Variants in RIMKLB observed in about 807,000 individuals in gnomAD.
The protein encoded by RIMKLB is ribosomal modification protein rimK like family member B.
A neutral mutation model predicts 32.0 loss-of-function variants in RIMKLB; 7 were observed. The observed-to-expected ratio is 0.22, with a 90% confidence interval of 0.12 to 0.41. The LOEUF is 0.41. RIMKLB is among the 10% of genes least tolerant of loss of function. RIMKLB has a pLI of 1.00. For synonymous variants in RIMKLB, 172 were observed against 185.1 expected (o/e 0.93, Z 0.57); for missense variants, 289 against 498.7 (o/e 0.58, Z 4.00).
At chr12:8,716,531 A>G (rs1342049006) in intron 2 of RIMKLB, among the ~76,000 whole-genome samples, 5 of 112,296 alleles carry the variant, frequency 4.5e-5, no homozygotes, top group Non-Finnish European at 9.0e-5. Context: ...TCTTCTCACT[A>G]TCCTGGCTCA....
At chr12:8,711,652 A>G (rs1032377477) in intron 1 of RIMKLB, among the ~76,000 whole-genome samples, 4 of 151,836 alleles carry the variant, frequency 2.6e-5, no homozygotes, top group South Asian at 2.1e-4. Context: ...TATATCTCCC[A>G]ATGCTATCCC....
Position 8,776,871 on chromosome 12 carries a change from T to A in RIMKLB, c.*3087T>A. Reference sequence around the variant, plus strand: ...TTGAAGGCATTGACTTTGAAAATCATCTCTTTTTCTCAAGAAGAAAGCAAT... The same window carrying A: ...TTGAAGGCATTGACTTTGAAAATCAACTCTTTTTCTCAAGAAGAAAGCAAT... On this transcript the variant is annotated 3_prime_UTR_variant, in exon 6 of 6. Transcript: ENST00000535829. The A allele has an allele frequency of 2.0e-6, 2 of 985,778 alleles. No individual in the cohort carries two copies. Among genetic ancestry groups the A allele is most frequent in the African/African-American group, 3.5e-5 (2 of 57,342 alleles). 61.1% of individuals were successfully genotyped at this position (985,778 alleles called of 1,614,324 possible). A position where few individuals can be genotyped will look rare whatever the true frequency, so the allele number is the denominator to read the frequency against.
chr12:8,697,846 C>A (rs1017027159), upstream of RIMKLB: 2 of 146,548 alleles, frequency 1.4e-5, no homozygotes, highest in Non-Finnish European at 1.5e-5. Flanking sequence ...CGCCGCCCCC[C>A]GCCCGCCGCG....
chr12:8,722,220 TAA>T (rs34755699), intron 2 of RIMKLB, among the ~76,000 whole-genome samples: 4,380 of 147,728 alleles, frequency 0.03, 223 homozygotes, highest in African/African-American at 0.1. Context: ...CTCACAGAGC[TAA>T]AAAAAAAAAA....
At chr12:8,739,994 C>T (rs1017815216) in intron 2 of RIMKLB, among the ~76,000 whole-genome samples, 2 of 152,096 alleles carry the variant, frequency 1.3e-5, no homozygotes, top group Non-Finnish European at 1.5e-5. Flanking sequence ...CAGCAACCTC[C>T]GCCTCTTGGG....
chr12:8,739,674 A>G (rs1947321965), intron 2 of RIMKLB, among the ~76,000 whole-genome samples: 1 of 152,112 alleles, frequency 6.6e-6, no homozygotes, highest in East Asian at 1.9e-4. Context: ...AGGTCACACC[A>G]TGTTGCTCAG....
chr12:8,776,130 G>C lies in RIMKLB; in HGVS notation c.*2346G>C. ...AAGTATGTAGTTCATGTTTGTGTTG[G>C]TGGGGTAAGGCATCAGGAAAAATGT... On this transcript the variant is annotated 3_prime_UTR_variant, in exon 6 of 6. Coordinates refer to ENST00000535829, the MANE Select transcript of RIMKLB (RefSeq NM_001297776.2). 1 of 985,142 alleles carries C rather than the reference G, an allele frequency of 1.0e-6. No homozygotes were observed. The highest frequency in any genetic ancestry group is 1.1e-4 in the East Asian group (1 of 8,822). The allele number at this position is 985,142 out of a possible 1,614,324, so 61.0% of individuals were successfully genotyped here.
chr12:8,713,712 A>T, intron 1 of RIMKLB, 99 bp from the exon 2 acceptor site: 3 of 750,698 alleles, frequency 4.0e-6, no homozygotes, highest in Admixed American at 2.7e-5. Context: ...TTTCCTGTTT[A>T]TATAATTAGT....
At chr12:8,758,680 CT>C (rs1295028718) in intron 5 of RIMKLB, among the ~76,000 whole-genome samples, 1 of 152,170 alleles carries the variant, frequency 6.6e-6, no homozygotes, top group Non-Finnish European at 1.5e-5. Flanking sequence ...GTGTTTAGGA[CT>C]TTAATCTACC....
intron 5 of RIMKLB, among the ~76,000 whole-genome samples, chr12:8,761,265 G>C (rs1166360718): frequency 2.2e-5 from 3 of 133,352 alleles, no homozygotes; most frequent in African/African-American, 6.0e-5. Context: ...GGGTGAGGGG[G>C]AGATAGCAAA....
chr12:8,731,567 T>C (rs1364542290), intron 2 of RIMKLB, among the ~76,000 whole-genome samples: 1 of 152,184 alleles, frequency 6.6e-6, no homozygotes, highest in Non-Finnish European at 1.5e-5. Context: ...CAGCAATTGG[T>C]AAACAATCTT....
chr12:8,684,856 C>T (rs960414317), intron 1 of RIMKLB, among the ~76,000 whole-genome samples: 3 of 152,222 alleles, frequency 2.0e-5, no homozygotes, highest in African/African-American at 2.4e-5. Context: ...CTCCTGAGCT[C>T]AGGCAGTCTG....
the RIMKLB span, among the ~76,000 whole-genome samples, chr12:8,672,856 C>T: frequency 1.3e-5 from 2 of 152,186 alleles, no homozygotes; most frequent in African/African-American, 4.8e-5. Context: ...AAAGCAGATG[C>T]CGCTATGCTT....
At chr12:8,675,867 A>G in the RIMKLB span, among the ~76,000 whole-genome samples, 1 of 151,986 alleles carries the variant, frequency 6.6e-6, no homozygotes, top group African/African-American at 2.4e-5. Flanking sequence ...AGGCAGAACA[A>G]CAAAGAAAAA....
At chr12:8,681,008 A>G (rs1942399804), upstream of RIMKLB, among the ~76,000 whole-genome samples, 1 of 149,534 alleles carries the variant, frequency 6.7e-6, no homozygotes, top group Non-Finnish European at 1.5e-5. Flanking sequence ...TTTTTGAGAC[A>G]GGGTCTCACT....
upstream of RIMKLB, among the ~76,000 whole-genome samples, chr12:8,680,395 G>A (rs758456643): frequency 3.3e-5 from 5 of 152,212 alleles, no homozygotes; most frequent in East Asian, 7.7e-4. Context: ...TCCTGACCTC[G>A]TGATCCGCCT....
chr12:8,711,325 G>A (rs904860725), intron 1 of RIMKLB, among the ~76,000 whole-genome samples: 1 of 152,000 alleles, frequency 6.6e-6, no homozygotes, highest in Non-Finnish European at 1.5e-5. Flanking sequence ...CTTAGGCCGA[G>A]GAGTTTGAGG....
intron 2 of RIMKLB, among the ~76,000 whole-genome samples, chr12:8,716,506 G>C (rs1245124409): frequency 7.6e-6 from 1 of 131,106 alleles, no homozygotes; most frequent in Non-Finnish European, 1.6e-5. Context: ...TTCCTTCTAA[G>C]CCATAACTGT....
chr12:8,739,046 C>T (rs747174665), intron 2 of RIMKLB, among the ~76,000 whole-genome samples: 6 of 152,148 alleles, frequency 3.9e-5, no homozygotes, highest in Non-Finnish European at 7.3e-5. Flanking sequence ...CTTTTCATTC[C>T]ACCATTCTGA....
Sources: gnomAD v4.1 joint callset for allele counts (sites outside exome capture counted in the v4.1 genomes callset) on GRCh38, gnomAD v4.1.1 for gene constraint, MANE v1.5 for transcripts, NCBI Gene and HGNC (gene_info 2026-07-23, HGNC 2026-07-21) for gene names.